Variants in MBD6 observed in about 807,000 individuals in gnomAD.
MBD6 encodes the protein methyl-CpG-binding domain protein 6.
A neutral mutation model predicts 66.8 loss-of-function variants in MBD6; 22 were observed. The ratio of observed to expected loss-of-function variants is 0.33; its 90% CI spans 0.24 to 0.47. The LOEUF is 0.47. Ranked by LOEUF, MBD6 falls within the 20% of genes least tolerant of loss-of-function variation. The pLI is 1.00. For synonymous variants in MBD6, 540 were observed against 534.6 expected, an observed-to-expected ratio of 1.01 and a Z score of -0.14; for missense variants, 1,322 against 1,286.9, an observed-to-expected ratio of 1.03 and a Z score of -0.42.
At chr12:57,521,695 CGGT>C (rs1878351823), upstream of MBD6, 1 of 152,270 alleles carries the variant, frequency 6.6e-6, no homozygotes, top group South Asian at 2.1e-4. Flanking sequence ...TTTTCCCCCA[CGGT>C]ACTCCTATGG....
intron 12 of MBD6, 71 bp downstream of exon 12, chr12:57,529,080 G>C (rs375015386): frequency 6.2e-7 from 1 of 1,613,288 alleles, no homozygotes; most frequent in East Asian, 2.2e-5. Context: ...GGAAAGGAGG[G>C]TTAGAGGGAG....
rs2140078521 is a variant in MBD6, at chr12:57,525,356, G to C, written c.388G>C (p.Ala130Pro). 6.4e-7 allele frequency: 1 copy of C among 1,561,908 alleles called. No individual in the cohort carries two copies. The highest frequency in any genetic ancestry group is 1.4e-5 in the African/African-American group (1 of 72,564). The change falls in exon 6 of 13, where the codon GCG (alanine) becomes CCG (proline). Residue 130 changes from alanine (A) to proline (P), a missense_variant. Ala to Pro is a conservative substitution (Grantham distance 27). Transcript: ENST00000355673. ...TTTTTCATTTATTGCAGGAGAGGGA[G>C]CGAGCCCCCAAATGTTCCACACTGT... ...TCSHSSPGEG[A>P]SPQMFHTVSP...
chr12:57,522,573 G>C (rs566017224), upstream of MBD6, among the ~76,000 whole-genome samples: 443 of 150,774 alleles, frequency 2.9e-3, 4 homozygotes, highest in African/African-American at 9.9e-3. Context: ...GGGGGGCCGC[G>C]TGGGGTGTTT....
rs1235613162 is a variant in MBD6, at chr12:57,529,439, GC to G, written c.*212del. On this transcript the variant is annotated 3_prime_UTR_variant, in exon 13 of 13. Coordinates refer to ENST00000355673, the MANE Select transcript of MBD6 (RefSeq NM_052897.4). ...GTTCACCCCCCCCCACCACCCCCCC[GC>G]CCCCCCGAAGCCATGTCACTGAAAA... 9 of 458,528 alleles carry G rather than the reference GC, an allele frequency of 2.0e-5. 2 individuals carry two copies. The East Asian group carries it at 2.1e-4, about 11-fold the overall frequency. The allele number at this position is 458,528 out of a possible 1,614,324, so 28.4% of individuals were successfully genotyped here.
downstream of MBD6, chr12:57,530,576 G>A: frequency 1.1e-6 from 1 of 912,020 alleles, no homozygotes; most frequent in Non-Finnish European, 1.7e-6. Flanking sequence ...CTTGCCCCCA[G>A]TGTCAAATGG....
rs1453864161 is a variant in MBD6 at position 57,527,207 on chromosome 12, C to G, written c.2062C>G (p.Pro688Ala). The G allele has an allele frequency of 6.6e-7, 1 of 1,512,488 alleles. No individual in the cohort carries two copies. The highest frequency in any genetic ancestry group is 2.3e-5 in the East Asian group (1 of 43,752). 93.7% of individuals were successfully genotyped at this position (1,512,488 alleles called of 1,614,324 possible). A position where few individuals can be genotyped will look rare whatever the true frequency, so the allele number is the denominator to read the frequency against. Residue 688 changes from proline (P) to alanine (A), a missense_variant, in exon 7 of 13, where the codon CCC (proline) becomes GCC (alanine). Transcript: ENST00000355673. ...SALLAATLDPPSGTPPQPCVL... is the reference protein window; with the variant it reads ...SALLAATLDPASGTPPQPCVL... ...GCTGCTGGCTGCCACCCTGGATCCC[C>G]CCTCGGGGACACCCCCCCAGGTGAG...
In MBD6 at chr12:57,529,418, A is replaced by ACCCCCCCCCCCCCCCCCC. The variant is rs368133035; in HGVS notation, c.*193_*194insCCCCCCCCCCCCCCCCCC. 73 of 333,294 alleles carry ACCCCCCCCCCCCCCCCCC rather than the reference A, an allele frequency of 2.2e-4. 2 individuals are homozygous for ACCCCCCCCCCCCCCCCCC. The highest frequency in any genetic ancestry group is 4.5e-4 in the Admixed American group (9 of 20,166). The allele number at this position is 333,294 out of a possible 1,614,324, so 20.6% of individuals were successfully genotyped here. On this transcript the variant is annotated 3_prime_UTR_variant, in exon 13 of 13. Coordinates refer to ENST00000355673, the MANE Select transcript of MBD6 (RefSeq NM_052897.4). ...GCCATTGCAGGGGGCAGGGAAGTTC[A>ACCCCCCCCCCCCCCCCCC]CCCCCCCCCACCACCCCCCCGCCCC...
In MBD6 at chr12:57,528,416, A is replaced by G; in HGVS notation, c.2676A>G (p.Lys892=). ...GGGAGCCTGGCCGACTGGCCCTCAA[A>G]TGGGGGACACGTGGTGGCTTCAATG... ...SRREPGRLAL[K]WGTRGGFNGQ... Residue 892 remains lysine (K), a synonymous_variant, in exon 10 of 13, where the codon AAA becomes AAG. Transcript: ENST00000355673. 1 of 1,613,298 alleles carries G rather than the reference A, an allele frequency of 6.2e-7. No individual in the cohort carries two copies. Among genetic ancestry groups the G allele is most frequent in the Non-Finnish European group, 8.5e-7 (1 of 1,179,932 alleles).
chr12:57,524,792 C>G lies in MBD6; in HGVS notation c.186C>G (p.Cys62Trp). 1 of 1,614,214 alleles carries G rather than the reference C, an allele frequency of 6.2e-7. No individual in the cohort carries two copies. The highest frequency in any genetic ancestry group is 8.5e-7 in the Non-Finnish European group (1 of 1,180,030). The change falls in exon 4 of 13, where the codon TGC becomes TGG. Residue 62 changes from cysteine to tryptophan, a missense_variant. Cys to Trp is a radical substitution (Grantham distance 215). Transcript: ENST00000355673. Reference protein sequence around the residue: ...SYLLSDGTCKCGLECPLNVPK... With the variant: ...SYLLSDGTCKWGLECPLNVPK... The stretch of plus-strand genomic sequence containing the variant: ...TCCTCAGCGATGGGACCTGCAAGTG[C>G]GGTCTGGAGTGTCCACTTAATGTCC...
At chr12:57,523,426 A>T (rs753392303) in intron 1 of MBD6, 1 of 152,120 alleles carries the variant, frequency 6.6e-6, no homozygotes, top group South Asian at 2.1e-4. Context: ...AGATAATCGG[A>T]AGCCAGTGGA....
Position 57,526,786 on chromosome 12 carries a change from G to A in MBD6, c.1641G>A (p.Leu547=). The change falls in exon 7 of 13, where the codon CTG becomes CTA. Residue 547 remains leucine (L), a synonymous_variant. Coordinates refer to ENST00000355673, the MANE Select transcript of MBD6 (RefSeq NM_052897.4). ...GGGCCTTGCCTCTCCCTCTGAGTCT[G>A]GGGCAGCCTCCACCTTCTCCATTGC... The part of the protein sequence containing the change: ...MLGALPLPLS[L]GQPPPSPLLN... 3 of 1,605,644 alleles carry A rather than the reference G, an allele frequency of 1.9e-6. No individual in the cohort carries two copies. In the East Asian group the frequency reaches 6.7e-5, roughly 36 times the overall value.
chr12:57,529,095 G>A, intron 12 of MBD6, 65 bp from the exon 13 acceptor site: 2 of 1,612,960 alleles, frequency 1.2e-6, no homozygotes, highest in Non-Finnish European at 1.7e-6. Context: ...AGGGAGTGGG[G>A]AGAAAAGAAG....
rs1879115479 is a variant in MBD6 at position 57,527,690 on chromosome 12, CTT to C, written c.2236+31_2236+32del. The C allele has an allele frequency of 1.9e-6, 3 of 1,565,238 alleles. No homozygotes were observed. In the East Asian group the frequency reaches 6.8e-5, roughly 35 times the overall value. On this transcript the variant is annotated intron_variant, in intron 8 of 12. Coordinates refer to ENST00000355673, the MANE Select transcript of MBD6 (RefSeq NM_052897.4). ...GTCTGAGGGAGTGTGAATTCACACTCTTGGTGTGAAAAAGCAGGAGTAAAACT... is the reference window on the plus strand; with the variant it reads ...GTCTGAGGGAGTGTGAATTCACACTCGGTGTGAAAAAGCAGGAGTAAAACT...
chr12:57,525,650 A>G lies in MBD6; in HGVS notation c.682A>G (p.Asn228Asp). 6.2e-7 allele frequency: 1 copy of G among 1,613,426 alleles called. No individual in the cohort carries two copies. Among genetic ancestry groups the G allele is most frequent in the Non-Finnish European group, 8.5e-7 (1 of 1,179,768 alleles). Reference protein sequence around the residue: ...PAISLNAPSYNWGAALRSSLV... With the variant: ...PAISLNAPSYDWGAALRSSLV... ...TATCAGCCTCAATGCTCCCTCATAC[A>G]ACTGGGGAGCTGCCCTCAGATCCAG... The change falls in exon 6 of 13, where the codon AAC becomes GAC. Residue 228 changes from asparagine (N) to aspartate (D), a missense_variant. Coordinates refer to ENST00000355673, the MANE Select transcript of MBD6 (RefSeq NM_052897.4).
chr12:57,528,522 G>A lies in MBD6; in HGVS notation c.2782G>A (p.Asp928Asn). ...GGCTGAAGGGGGTGCTGAGCCCAAG[G>A]ATCCACCCCCTCCCGGGCCCCATTC... ...ELAEGGAEPK[D>N]PPPPGPHSED... The change falls in exon 10 of 13, where the codon GAT (aspartate) becomes AAT (asparagine). Residue 928 changes from aspartate (D) to asparagine (N), a missense_variant. By Grantham distance (23) the Asp-to-Asn change is conservative. Coordinates refer to ENST00000355673, the MANE Select transcript of MBD6 (RefSeq NM_052897.4). The A allele has an allele frequency of 6.2e-7, 1 of 1,613,166 alleles. No homozygotes were observed. Among genetic ancestry groups the A allele is most frequent in the Non-Finnish European group, 8.5e-7 (1 of 1,179,398 alleles).
At chr12:57,523,037 A>T (rs952884668) in intron 1 of MBD6, 26 bp downstream of exon 1, 1 of 22,050 alleles carries the variant, frequency 4.5e-5, no homozygotes, top group African/African-American at 1.7e-4. Context: ...GGCCCCCCCC[A>T]CCCTGCCCCT....
chr12:57,527,252 G>A (rs757726716), intron 7 of MBD6, 25 bp downstream of exon 7: 5 of 1,394,112 alleles, frequency 3.6e-6, no homozygotes, highest in East Asian at 4.7e-5. Context: ...GAGTAGGTGG[G>A]ACAGAACAAG....
In MBD6 at chr12:57,528,955, G is replaced by C; in HGVS notation, c.2883G>C (p.Arg961=). The part of the protein sequence containing the change: ...RGRRRKYNPT[R]NSNSSRQDIT... ...GTGCCCCTTATTGCAGCCCTACCCG[G>C]AACAGCAATAGCTCCCGCCAGGACA... Residue 961 remains arginine, a synonymous_variant, in exon 12 of 13, where the codon CGG becomes CGC. Transcript: ENST00000355673. 1 of 1,614,066 alleles carries C rather than the reference G, an allele frequency of 6.2e-7. No homozygotes were observed. Among genetic ancestry groups the C allele is most frequent in the Non-Finnish European group, 8.5e-7 (1 of 1,180,008 alleles).
downstream of MBD6, chr12:57,530,590 G>A: frequency 9.5e-7 from 1 of 1,053,476 alleles, no homozygotes; most frequent in South Asian, 1.5e-5. Flanking sequence ...CAAATGGGAT[G>A]GGGATGCTAG....
Sources: gnomAD v4.1 joint callset for allele counts (sites outside exome capture counted in the v4.1 genomes callset) on GRCh38, gnomAD v4.1.1 for gene constraint, MANE v1.5 for transcripts, NCBI Gene and HGNC (gene_info 2026-07-23, HGNC 2026-07-21) for gene names.